Variants in DCC observed in about 807,000 individuals in gnomAD.
The protein encoded by DCC is DCC netrin 1 receptor.
A neutral mutation model predicts 172.5 loss-of-function variants in DCC; 58 were observed. The ratio of observed to expected loss-of-function variants is 0.34; its 90% CI spans 0.27 to 0.42. DCC has a LOEUF of 0.42. DCC is among the 10% of genes least tolerant of loss of function. The probability of loss-of-function intolerance (pLI) is 1.00; values close to 1 mark genes in which losing one functional copy is unlikely to be tolerated. For synonymous variants in DCC, 709 were observed against 644.5 expected (o/e 1.10, Z -1.52); for missense variants, 1,740 against 1,791.0 (o/e 0.97, Z 0.51).
chr18:52,829,225 T>C (rs1451710378), intron 2 of DCC, among the ~76,000 whole-genome samples: 3 of 152,230 alleles, frequency 2.0e-5, no homozygotes, highest in Non-Finnish European at 4.4e-5. Context: ...TAAAGCTGCA[T>C]GCATTAGTGA....
intron 12 of DCC, among the ~76,000 whole-genome samples, chr18:53,242,433 A>T (rs2056309542): frequency 1.3e-5 from 2 of 152,160 alleles, no homozygotes. Context: ...TGTTCAATCG[A>T]TATCTGCTCC....
At chr18:52,905,911 C>A (rs2039875264) in intron 2 of DCC, 133 bp from the exon 3 acceptor site, 1 of 732,600 alleles carries the variant, frequency 1.4e-6, no homozygotes, top group Admixed American at 2.0e-5. Context: ...GTGTGAAGAG[C>A]AAATGAGACG....
chr18:53,222,864 A>C, intron 12 of DCC, among the ~76,000 whole-genome samples: 1 of 152,152 alleles, frequency 6.6e-6, no homozygotes, highest in Admixed American at 6.6e-5. Context: ...ACTCTGTCAA[A>C]GTTACTTAAT....
intron 7 of DCC, among the ~76,000 whole-genome samples, chr18:53,138,347 T>C (rs1366765792): frequency 6.6e-6 from 1 of 152,186 alleles, no homozygotes; most frequent in Non-Finnish European, 1.5e-5. Flanking sequence ...AGTGACTGCA[T>C]TAAAAAACCT....
At chr18:53,520,143 C>A (rs938708440) in intron 27 of DCC, among the ~76,000 whole-genome samples, 6 of 152,000 alleles carry the variant, frequency 3.9e-5, no homozygotes, top group African/African-American at 1.4e-4. Flanking sequence ...TGTGGCAATG[C>A]CCCATTTCAA....
chr18:52,425,158 G>T (rs1987381871), intron 1 of DCC, among the ~76,000 whole-genome samples: 2 of 152,064 alleles, frequency 1.3e-5, no homozygotes, highest in Non-Finnish European at 2.9e-5. Flanking sequence ...ACTAGCTTAG[G>T]CATAACATTT....
At chr18:52,590,278 A>G (rs2033771196) in intron 1 of DCC, among the ~76,000 whole-genome samples, 2 of 152,110 alleles carry the variant, frequency 1.3e-5, no homozygotes, top group South Asian at 4.1e-4. Flanking sequence ...ATCTAAGGAC[A>G]TCCAATGCAT....
intron 5 of DCC, among the ~76,000 whole-genome samples, chr18:52,949,365 G>A (rs943565846): frequency 2.0e-5 from 3 of 152,162 alleles, no homozygotes; most frequent in African/African-American, 7.2e-5. Flanking sequence ...TCTTGGAAAT[G>A]GGAAAAGGCT....
chr18:53,355,092 T>A (rs1323360333), intron 15 of DCC, among the ~76,000 whole-genome samples: 1 of 152,042 alleles, frequency 6.6e-6, no homozygotes, highest in East Asian at 1.9e-4. Flanking sequence ...TGTAGATGTG[T>A]GGTATTATTT....
At chr18:53,005,784 G>C (rs1020511215) in intron 5 of DCC, among the ~76,000 whole-genome samples, 3 of 152,062 alleles carry the variant, frequency 2.0e-5, no homozygotes, top group African/African-American at 7.2e-5. Flanking sequence ...ATTGTTTGTT[G>C]GTTATTTTTC....
At chr18:53,188,876 TCTC>T (rs2055326254) in intron 9 of DCC, among the ~76,000 whole-genome samples, 1 of 152,266 alleles carries the variant, frequency 6.6e-6, no homozygotes, top group African/African-American at 2.4e-5. Context: ...CACATGGCCT[TCTC>T]CTCTCTGTGT....
intron 7 of DCC, among the ~76,000 whole-genome samples, chr18:53,109,762 C>T (rs552953847): frequency 6.6e-6 from 1 of 151,554 alleles, no homozygotes; most frequent in Non-Finnish European, 1.5e-5. Flanking sequence ...CCAGAGATGC[C>T]TTTAAAAACT....
At chr18:52,825,992 A>G (rs1458575977) in intron 2 of DCC, among the ~76,000 whole-genome samples, 5 of 152,254 alleles carry the variant, frequency 3.3e-5, no homozygotes, top group Admixed American at 6.5e-5. Context: ...GAAGTTTCAA[A>G]TAACTCTTTC....
At chr18:52,959,820 A>G (rs2145565802) in intron 5 of DCC, among the ~76,000 whole-genome samples, 1 of 152,300 alleles carries the variant, frequency 6.6e-6, no homozygotes, top group Admixed American at 6.5e-5. Flanking sequence ...TACTATTCAA[A>G]GAATTTCATG....
At chr18:52,790,374 A>G (rs2037738748) in intron 2 of DCC, among the ~76,000 whole-genome samples, 1 of 152,112 alleles carries the variant, frequency 6.6e-6, no homozygotes, top group Admixed American at 6.6e-5. Flanking sequence ...ATTAATTTAA[A>G]CTTTACAGAT....
chr18:53,449,470 G>A (rs941940059), intron 22 of DCC, among the ~76,000 whole-genome samples: 5 of 152,314 alleles, frequency 3.3e-5, no homozygotes, highest in African/African-American at 1.2e-4. Flanking sequence ...GGACTTTGTG[G>A]CTTTTGAACC....
At chr18:52,870,164 A>T (rs1285836973) in intron 2 of DCC, among the ~76,000 whole-genome samples, 1 of 152,074 alleles carries the variant, frequency 6.6e-6, no homozygotes, top group Non-Finnish European at 1.5e-5. Context: ...TGCGGCCCAG[A>T]TCTGCCTCCT....
At chr18:52,667,268 G>C (rs1036164846) in intron 1 of DCC, among the ~76,000 whole-genome samples, 31 of 152,182 alleles carry the variant, frequency 2.0e-4, no homozygotes, top group Admixed American at 5.9e-4. Context: ...ACCCCCAAAT[G>C]GTAGTAGATG....
intron 2 of DCC, among the ~76,000 whole-genome samples, chr18:52,884,086 C>T (rs2145410201): frequency 6.6e-6 from 1 of 152,062 alleles, no homozygotes; most frequent in Non-Finnish European, 1.5e-5. Flanking sequence ...ATTGGAGCTT[C>T]ATTGTATGTT....
Sources: gnomAD v4.1 joint callset for allele counts (sites outside exome capture counted in the v4.1 genomes callset) on GRCh38, gnomAD v4.1.1 for gene constraint, MANE v1.5 for transcripts, NCBI Gene and HGNC (gene_info 2026-07-23, HGNC 2026-07-21) for gene names.